LRRC53: variants seen among roughly 807,000 people sequenced by gnomAD.
LRRC53 encodes the protein leucine-rich repeat-containing protein 53.
A neutral mutation model predicts 13.6 loss-of-function variants in LRRC53; 25 were observed. The observed-to-expected ratio is 1.83, with a 90% CI of 1.34 to 2.56. The LOEUF (loss-of-function observed/expected upper bound fraction) is 2.56. Ranked by LOEUF, LRRC53 falls within the 30% of genes most tolerant of loss-of-function variation. LRRC53 has a pLI of 0.00. For synonymous variants in LRRC53, 204 were observed against 109.8 expected (o/e 1.86, Z -5.37); for missense variants, 527 against 275.8 (o/e 1.91, Z -6.45).
At chr1:74,505,127 G>A (rs1669828610) in intron 1 of LRRC53, among the ~76,000 whole-genome samples, 1 of 152,174 alleles carries the variant, frequency 6.6e-6, no homozygotes, top group South Asian at 2.1e-4. Context: ...CCACTCTTAA[G>A]CACATCAAAG....
intron 1 of LRRC53, among the ~76,000 whole-genome samples, chr1:74,496,679 T>G (rs1253576665): frequency 6.6e-6 from 1 of 152,166 alleles, no homozygotes; most frequent in African/African-American, 2.4e-5. Context: ...CCACAGATAA[T>G]AGGAATTCCC....
chr1:74,480,790 C>T lies in LRRC53; in HGVS notation c.267G>A (p.Glu89=), dbSNP rs1668455078. ...GCGAAGAGCTGGATATTTGGTTGTG[C>T]TCCAGCAACAAGGTCCGCAACATCG... ...GLTMLRTLLL[E]HNQISSSSLT... is the part of the protein sequence containing the mutation. The change falls in exon 3 of 5, where the codon GAG becomes GAA. Residue 89 remains glutamate, a synonymous_variant. Transcript: ENST00000294635. The T allele has an allele frequency of 1.4e-6, 1 of 717,446 alleles. No individual in the cohort carries two copies. The highest frequency in any genetic ancestry group is 2.0e-5 in the Admixed American group (1 of 50,000). The allele number at this position is 717,446 out of a possible 1,614,324, so 44.4% of individuals were successfully genotyped here.
At chr1:74,535,082 G>A in the LRRC53 span, among the ~76,000 whole-genome samples, 4 of 152,150 alleles carry the variant, frequency 2.6e-5, no homozygotes, top group Admixed American at 2.0e-4. Context: ...GTCAGATAAG[G>A]AAGCTAAAAA....
chr1:74,523,441 C>A, the LRRC53 span, among the ~76,000 whole-genome samples: 4 of 151,220 alleles, frequency 2.6e-5, no homozygotes, highest in African/African-American at 9.7e-5. Flanking sequence ...TAAGATTTTT[C>A]TTTTTTTTAA....
At position 74,480,543 on chromosome 1, in the gene LRRC53, T is replaced by C. The variant is rs1394407251; in HGVS notation, c.514A>G (p.Ile172Val). 5.6e-6 allele frequency: 4 copies of C among 717,390 alleles called. No homozygotes were observed. Among genetic ancestry groups the C allele is most frequent in the Admixed American group, 2.0e-5 (1 of 50,018 alleles). 44.4% of individuals were successfully genotyped at this position (717,390 alleles called of 1,614,324 possible). A position where few individuals can be genotyped will look rare whatever the true frequency, so the allele number is the denominator to read the frequency against. The stretch of plus-strand genomic sequence containing the variant: ...AGGGGCCGGAAGGCATCTTTCCCAA[T>C]GTAGGAAATAAAATTGTTGGATAAA... ...LDLSNNFISY[I>V]GKDAFRPLPQ... Residue 172 changes from isoleucine (I) to valine (V), a missense_variant, in exon 3 of 5, where the codon ATT (isoleucine) becomes GTT (valine). Coordinates refer to ENST00000294635, the MANE Select transcript of LRRC53 (RefSeq NM_001382280.1).
chr1:74,509,409 T>C (rs2100372429), intron 1 of LRRC53, among the ~76,000 whole-genome samples: 1 of 152,318 alleles, frequency 6.6e-6, no homozygotes, highest in South Asian at 2.1e-4. Context: ...GCTAGAGTAC[T>C]ACATAACAAT....
chr1:74,537,014 A>G, the LRRC53 span, among the ~76,000 whole-genome samples: 3 of 152,180 alleles, frequency 2.0e-5, no homozygotes, highest in Admixed American at 1.3e-4. Flanking sequence ...TTGACCTGGC[A>G]TGGGTAGCTT....
At chr1:74,510,926 C>T (rs556243887) in intron 1 of LRRC53, among the ~76,000 whole-genome samples, 2 of 152,180 alleles carry the variant, frequency 1.3e-5, no homozygotes, top group Non-Finnish European at 2.9e-5. Flanking sequence ...TCACTCTTGT[C>T]CCCCAGGCTG....
At chr1:74,524,774 A>G in the LRRC53 span, among the ~76,000 whole-genome samples, 184 of 152,114 alleles carry the variant, frequency 1.2e-3, no homozygotes, top group Middle Eastern at 6.8e-3. Flanking sequence ...AAAAATGAAA[A>G]AGAAAGGAAG....
At chr1:74,515,145 A>G (rs1646331171), upstream of LRRC53, among the ~76,000 whole-genome samples, 1 of 152,070 alleles carries the variant, frequency 6.6e-6, no homozygotes, top group African/African-American at 2.4e-5. Context: ...TAACCTGCAT[A>G]ACAGTGAAAG....
At chr1:74,478,489 G>T (rs552130652) in intron 3 of LRRC53, among the ~76,000 whole-genome samples, 1 of 152,118 alleles carries the variant, frequency 6.6e-6, no homozygotes, top group Admixed American at 6.6e-5. Context: ...GTAACTAAAA[G>T]ATACTAAAAA....
intron 1 of LRRC53, among the ~76,000 whole-genome samples, chr1:74,503,189 C>A (rs956582541): frequency 6.6e-6 from 1 of 151,914 alleles, no homozygotes; most frequent in Non-Finnish European, 1.5e-5. Flanking sequence ...GATGAAAGTC[C>A]AAGAGTTTTT....
intron 1 of LRRC53, among the ~76,000 whole-genome samples, chr1:74,499,820 C>A (rs954246494): frequency 1.3e-5 from 2 of 152,000 alleles, no homozygotes; most frequent in African/African-American, 4.8e-5. Context: ...TCTTTAATAT[C>A]TTTTAGTAAG....
chr1:74,522,651 T>C, the LRRC53 span, among the ~76,000 whole-genome samples: 1 of 151,662 alleles, frequency 6.6e-6, no homozygotes, highest in African/African-American at 2.4e-5. Context: ...TGTGTGTGTG[T>C]GAGAGAGAGA....
chr1:74,475,837 A>G (rs753328882), intron 3 of LRRC53, 27 bp from the exon 4 acceptor site: 1 of 550,374 alleles, frequency 1.8e-6, no homozygotes, highest in Non-Finnish European at 3.3e-6. Flanking sequence ...GACCATTAAA[A>G]GATAACATCT....
At chr1:74,517,645 T>C in the LRRC53 span, among the ~76,000 whole-genome samples, 1 of 152,180 alleles carries the variant, frequency 6.6e-6, no homozygotes, top group African/African-American at 2.4e-5. Context: ...CAACCTCAAT[T>C]AGGTTCTATT....
intron 1 of LRRC53, among the ~76,000 whole-genome samples, chr1:74,505,501 C>G (rs1402389081): frequency 6.6e-6 from 1 of 152,214 alleles, no homozygotes; most frequent in Non-Finnish European, 1.5e-5. Context: ...ATTTCTGAAG[C>G]AGCTCTTACA....
At chr1:74,533,962 G>A in the LRRC53 span, among the ~76,000 whole-genome samples, 1,341 of 152,244 alleles carry the variant, frequency 8.8e-3, 13 homozygotes, top group Non-Finnish European at 9.2e-3. Flanking sequence ...TCTGCCTCTG[G>A]CTAGCTCTGT....
At chr1:74,532,490 T>C in the LRRC53 span, among the ~76,000 whole-genome samples, 2 of 152,074 alleles carry the variant, frequency 1.3e-5, no homozygotes, top group African/African-American at 4.8e-5. Flanking sequence ...TTATTATTAT[T>C]ATACTTTAAG....
Sources: allele counts gnomAD v4.1 joint callset (sites outside exome capture counted in the v4.1 genomes callset), GRCh38; gene constraint gnomAD v4.1.1; transcripts MANE v1.5; gene names NCBI Gene and HGNC (gene_info 2026-07-23, HGNC 2026-07-21).